The following SPDYA variants were observed in gnomAD, a reference collection of about 807,000 sequenced individuals.
SPDYA encodes the protein speedy protein A.
In SPDYA, 11 loss-of-function variants were observed where a neutral mutation model predicts 36.7. The observed-to-expected ratio is 0.30, with a 90% CI of 0.19 to 0.50. The LOEUF (loss-of-function observed/expected upper bound fraction) is 0.50, where lower values mean the gene tolerates loss of function less well. Ranked by LOEUF, SPDYA falls within the 20% of genes least tolerant of loss-of-function variation. SPDYA has a pLI of 0.98. For missense variants in SPDYA, 287 were observed against 370.9 expected (o/e 0.77, Z 1.86); for synonymous variants, 115 against 118.7 (o/e 0.97, Z 0.20).
intron 6 of SPDYA, 89 bp downstream of exon 6, chr2:28,829,408 G>A (rs1572503665): frequency 2.3e-6 from 3 of 1,299,472 alleles, no homozygotes; most frequent in Non-Finnish European, 3.1e-6. Flanking sequence ...TAATGTTTTG[G>A]TATTCTGGGT....
intron 6 of SPDYA, among the ~76,000 whole-genome samples, chr2:28,836,284 T>G (rs1298001181): frequency 1.3e-5 from 2 of 152,188 alleles, no homozygotes; most frequent in African/African-American, 4.8e-5. Context: ...ACATCTAGCC[T>G]CCATATAAAC....
At chr2:28,817,654 C>A (rs990937036) in intron 3 of SPDYA, among the ~76,000 whole-genome samples, 7 of 151,280 alleles carry the variant, frequency 4.6e-5, no homozygotes, top group African/African-American at 1.7e-4. Context: ...AGGGGGCGGA[C>A]CACTTGAGGC....
intron 5 of SPDYA, 138 bp from the exon 6 acceptor site, chr2:28,829,010 A>G (rs1056917979): frequency 3.1e-6 from 2 of 655,418 alleles, no homozygotes; most frequent in Middle Eastern, 4.2e-4. Flanking sequence ...ATGTATCTCT[A>G]TTTTTGAACT....
At chr2:28,826,969 T>TA (rs59465480) in intron 5 of SPDYA, among the ~76,000 whole-genome samples, 3 of 147,506 alleles carry the variant, frequency 2.0e-5, no homozygotes, top group Admixed American at 6.9e-5. Context: ...TTTTTTTTTT[T>TA]AAGAAGGAGT....
In SPDYA at chr2:28,814,914, GATTAT is replaced by G. The variant is rs1667948015; in HGVS notation, c.-19+229_-19+233del. Among the ~76,000 whole-genome samples, 7 of 152,234 alleles carry G rather than the reference GATTAT, an allele frequency of 4.6e-5. No individual in the cohort carries two copies. The South Asian group carries it at 1.5e-3, about 32-fold the overall frequency. On this transcript the variant is annotated intron_variant, in intron 2 of 7. Coordinates refer to ENST00000334056, the MANE Select transcript of SPDYA (RefSeq NM_182756.4). ...AGATTAACTGTCTCAGATTTTATTA[GATTAT>G]GACAACATACATTCATATACACTTA...
chr2:28,822,493 C>G, intron 5 of SPDYA, 83 bp downstream of exon 5: 1 of 617,662 alleles, frequency 1.6e-6, no homozygotes, highest in Non-Finnish European at 2.6e-6. Flanking sequence ...TATTTAAAAC[C>G]TTATGTATAT....
At chr2:28,836,226 G>A (rs896686283) in intron 6 of SPDYA, among the ~76,000 whole-genome samples, 10 of 152,240 alleles carry the variant, frequency 6.6e-5, no homozygotes, top group African/African-American at 2.4e-4. Flanking sequence ...CATAGAAGTT[G>A]CAGAGCCAGA....
At chr2:28,826,392 C>A (rs1325899994) in intron 5 of SPDYA, among the ~76,000 whole-genome samples, 1 of 152,114 alleles carries the variant, frequency 6.6e-6, no homozygotes. Flanking sequence ...CCGCCTAAGC[C>A]TCCCAAAGTA....
At chr2:28,814,821 G>C (rs1667944102) in intron 2 of SPDYA, 135 bp downstream of exon 2, 1 of 152,260 alleles carries the variant, frequency 6.6e-6, no homozygotes, top group East Asian at 1.9e-4. Context: ...ATAATACTAA[G>C]TGTAGTAATT....
chr2:28,818,457 A>G lies in SPDYA; in HGVS notation c.236-591A>G, dbSNP rs902882795. On this transcript the variant is annotated intron_variant, in intron 3 of 7. Transcript: ENST00000334056. ...TGTCTCTTTAAAAAAAAAAAAAAAA[A>G]AAAAGAGAAAGAGAGAAAGGGGGAA... Among the ~76,000 whole-genome samples the G allele has an allele frequency of 4.7e-5, 7 of 149,732 alleles. No homozygotes were observed. The South Asian group carries it at 6.4e-4, about 14-fold the overall frequency.
intron 1 of SPDYA, among the ~76,000 whole-genome samples, chr2:28,813,461 T>C (rs1667902543): frequency 6.6e-6 from 1 of 152,156 alleles, no homozygotes; most frequent in African/African-American, 2.4e-5. Context: ...CACTCAAATT[T>C]GAAGCAGAAT....
chr2:28,813,280 T>G (rs1257488138), intron 1 of SPDYA, among the ~76,000 whole-genome samples: 1 of 152,202 alleles, frequency 6.6e-6, no homozygotes. Flanking sequence ...GTGGATATAT[T>G]TTACCTTTTT....
rs1371226398 is a variant in SPDYA at position 28,850,223 on chromosome 2, C to G, written c.*282C>G. 2 of 1,611,506 alleles carry G rather than the reference C, an allele frequency of 1.2e-6. No homozygotes were observed. Among genetic ancestry groups the G allele is most frequent in the East Asian group, 4.5e-5 (2 of 44,780 alleles). ...CTCAGTTAAGTTGTGGTTTGACCTT[C>G]CTCAACTTGACAAGAAAAGCTAATT... On this transcript the variant is annotated 3_prime_UTR_variant, in exon 8 of 8. Transcript: ENST00000334056.
chr2:28,844,513 C>T (rs770460267), intron 7 of SPDYA, among the ~76,000 whole-genome samples: 4 of 152,124 alleles, frequency 2.6e-5, no homozygotes, highest in Non-Finnish European at 5.9e-5. Flanking sequence ...AACTGATTTT[C>T]GACAGTGTAC....
Position 28,849,113 on chromosome 2 carries a change from T to C in SPDYA, c.851-737T>C, listed in dbSNP as rs144110799. Among the ~76,000 whole-genome samples the C allele has an allele frequency of 1.8e-3, 278 of 152,038 alleles. 1 individual carries two copies. The highest frequency in any genetic ancestry group is 2.4e-3 in the Non-Finnish European group (160 of 67,954). On this transcript the variant is annotated intron_variant, in intron 7 of 7. Transcript: ENST00000334056. ...CTATATTTAAACAGAGACCTAATCA[T>C]TCTAAGTCACTGTTTATCTGTAAAA...
At chr2:28,837,748 T>A (rs1186996076) in intron 6 of SPDYA, among the ~76,000 whole-genome samples, 3 of 52,204 alleles carry the variant, frequency 5.7e-5, no homozygotes, top group African/African-American at 1.6e-4. Context: ...AGTGCTTTTT[T>A]TTTTTTTTTT....
At chr2:28,839,791 C>A (rs1300582923) in intron 6 of SPDYA, among the ~76,000 whole-genome samples, 1 of 152,180 alleles carries the variant, frequency 6.6e-6, no homozygotes. Context: ...CGTGAGCCAC[C>A]GCGCCCGGCC....
intron 7 of SPDYA, among the ~76,000 whole-genome samples, chr2:28,843,806 T>A (rs1668807196): frequency 6.6e-6 from 1 of 152,146 alleles, no homozygotes; most frequent in South Asian, 2.1e-4. Flanking sequence ...GGGAACCCAG[T>A]TCTATCTGAA....
intron 5 of SPDYA, among the ~76,000 whole-genome samples, chr2:28,826,987 T>C (rs1668344012): frequency 6.7e-6 from 1 of 149,674 alleles, no homozygotes; most frequent in Non-Finnish European, 1.5e-5. Flanking sequence ...AGTCTCGCTC[T>C]GTCGCCCAAG....
Sources: allele counts gnomAD v4.1 joint callset (sites outside exome capture counted in the v4.1 genomes callset), GRCh38; gene constraint gnomAD v4.1.1; transcripts MANE v1.5; gene names NCBI Gene and HGNC (gene_info 2026-07-23, HGNC 2026-07-21).